CHD5: variants seen among roughly 807,000 people sequenced by gnomAD.
The protein encoded by CHD5 is chromodomain helicase DNA binding protein 5.
In CHD5, 69 loss-of-function variants were observed where a neutral mutation model predicts 230.3. The observed-to-expected ratio is 0.30, with a 90% CI of 0.25 to 0.37. The LOEUF is 0.37. Ranked by LOEUF, CHD5 falls within the 10% of genes least tolerant of loss-of-function variation. CHD5 has a pLI of 1.00. For missense variants in CHD5, 1,827 were observed against 2,622.8 expected (o/e 0.70, Z 6.63); for synonymous variants, 1,064 against 1,065.9 (o/e 1.00, Z 0.03).
rs1198902244 is a variant in CHD5 at position 6,106,669 on chromosome 1, G to A, written c.5689C>T (p.Arg1897Cys). 3.1e-6 allele frequency: 5 copies of A among 1,609,828 alleles called. No homozygotes were observed. Among genetic ancestry groups the A allele is most frequent in the Non-Finnish European group, 3.4e-6 (4 of 1,178,850 alleles). ...PVAARLQMSE[R>C]SILSRLTNRA... ...TTGGTCAGGCGGCTCAGGATGCTGC[G>A]CTCCGACATCTGCAGCCGGGCGGCC... Residue 1897 changes from arginine (R) to cysteine (C), a missense_variant, in exon 39 of 42, where the codon CGC becomes TGC. This residue lies in a region of CHD5 where 208 missense variants were observed against 302.0 expected (regional missense o/e 0.69). Transcript: ENST00000262450.
intron 1 of CHD5, among the ~76,000 whole-genome samples, chr1:6,176,994 C>T (rs1667437861): frequency 6.6e-6 from 1 of 152,198 alleles, no homozygotes; most frequent in African/African-American, 2.4e-5. Flanking sequence ...AATGCCAGAG[C>T]TGGCCAGGGC....
intron 1 of CHD5, among the ~76,000 whole-genome samples, chr1:6,172,380 AGT>A (rs1223594835): frequency 6.6e-6 from 1 of 152,058 alleles, no homozygotes; most frequent in Admixed American, 6.5e-5. Flanking sequence ...GCTGGAGTGC[AGT>A]GTTATGATCA....
At chr1:6,173,532 G>A (rs1571175818) in intron 1 of CHD5, among the ~76,000 whole-genome samples, 1 of 152,176 alleles carries the variant, frequency 6.6e-6, no homozygotes, top group Non-Finnish European at 1.5e-5. Context: ...TCCTGGAGGT[G>A]ATACCAGCAA....
chr1:6,163,325 G>A (rs1390460333), intron 2 of CHD5, among the ~76,000 whole-genome samples: 5 of 152,134 alleles, frequency 3.3e-5, no homozygotes, highest in South Asian at 2.1e-4. Context: ...AGGGTCTGAC[G>A]CCCAAGTCCC....
chr1:6,134,644 GACCTACCATGGCGGCCACAGGC>G lies in CHD5; in HGVS notation c.3012+52_3012+73del, dbSNP rs371217497. 16,435 of 1,466,810 alleles carry G rather than the reference GACCTACCATGGCGGCCACAGGC, an allele frequency of 0.011. 1,192 individuals are homozygous for G. The African/African-American group carries it at 0.18, about 16-fold the overall frequency. The allele number at this position is 1,466,810 out of a possible 1,614,324, so 90.9% of individuals were successfully genotyped here. ...GAGAACCTATCACAGCGGCCACAGG[GACCTACCATGGCGGCCACAGGC>G]ACCTACCATGGCGGTCATGGAGAAG... On this transcript the variant is annotated intron_variant, in intron 19 of 41. Transcript: ENST00000262450. The surrounding 1 kb of genome is among the most constrained non-coding windows in gnomAD (Gnocchi z 6.3).
chr1:6,127,498 AAAAG>A (rs1666578082), intron 25 of CHD5, among the ~76,000 whole-genome samples: 1 of 151,982 alleles, frequency 6.6e-6, no homozygotes, highest in Admixed American at 6.6e-5. Flanking sequence ...GAAAAAAAAA[AAAAG>A]AAAATTGTGG....
Position 6,109,823 on chromosome 1 carries a change from G to A in CHD5, c.5550C>T (p.Asn1850=). The change falls in exon 38 of 42, where the codon AAC becomes AAT. Residue 1850 remains asparagine (N), a synonymous_variant. Coordinates refer to ENST00000262450, the MANE Select transcript of CHD5 (RefSeq NM_015557.3). The part of the protein sequence containing the change: ...QHLSKESLAG[N]KPANAVLHKV... ...TGTGCAGGACGGCATTGGCAGGCTT[G>A]TTCCCAGCAAGGGACTCCTTGGACA... 6.2e-7 allele frequency: 1 copy of A among 1,612,770 alleles called. No individual in the cohort carries two copies. The highest frequency in any genetic ancestry group is 1.1e-5 in the South Asian group (1 of 91,074).
At position 6,163,408 on chromosome 1, in the gene CHD5, T is replaced by C. The variant is rs543162431; in HGVS notation, c.208-3893A>G. On this transcript the variant is annotated intron_variant, in intron 2 of 41. Transcript: ENST00000262450. ...AGCCCGCACAGCTGGGCCTCCCACC[T>C]GCACCAGATATCACCTGAACCCTCC... Among the ~76,000 whole-genome samples, 18 of 152,322 alleles carry C rather than the reference T, an allele frequency of 1.2e-4. No individual in the cohort carries two copies. The South Asian group carries it at 1.9e-3, about 16-fold the overall frequency.
chr1:6,159,165 G>C lies in CHD5; in HGVS notation c.387+171C>G, dbSNP rs974263906. Among the ~76,000 whole-genome samples the C allele has an allele frequency of 5.8e-4, 88 of 151,600 alleles. 3 individuals carry two copies. Among genetic ancestry groups the C allele is most frequent in the Admixed American group, 1.3e-4 (2 of 15,220 alleles). On this transcript the variant is annotated intron_variant, in intron 3 of 41. Coordinates refer to ENST00000262450, the MANE Select transcript of CHD5 (RefSeq NM_015557.3). The stretch of plus-strand genomic sequence containing the variant: ...CAGGAGAATTGCTTGAACCTGGGAG[G>C]CGGTTGCAGTGAGCCGAGGTCACGC...
Position 6,143,840 on chromosome 1 carries a change from C to A in CHD5, c.2026G>T (p.Asp676Tyr). 1 of 1,522,514 alleles carries A rather than the reference C, an allele frequency of 6.6e-7. No homozygotes were observed. The highest frequency in any genetic ancestry group is 8.9e-7 in the Non-Finnish European group (1 of 1,125,264). The allele number at this position is 1,522,514 out of a possible 1,614,324, so 94.3% of individuals were successfully genotyped here. Residue 676 changes from aspartate (D) to tyrosine (Y), a missense_variant, in exon 13 of 42, where the codon GAC (aspartate) becomes TAC (tyrosine). This residue lies in a region of CHD5 where 657 missense variants were observed against 816.4 expected (regional missense o/e 0.80). Transcript: ENST00000262450. ...LRDDKQEKPP[D>Y]TPIVDPTVKF... ...CCACTCACGTCCACAATGGGCGTGTCCGGCGGCTTCTCCTGCTTGTCGTCC... is the reference window on the plus strand; with the variant it reads ...CCACTCACGTCCACAATGGGCGTGTACGGCGGCTTCTCCTGCTTGTCGTCC...
At chr1:6,171,031 A>AG (rs1163579274) in intron 1 of CHD5, among the ~76,000 whole-genome samples, 4 of 152,204 alleles carry the variant, frequency 2.6e-5, no homozygotes, top group Non-Finnish European at 5.9e-5. Context: ...TGCAATCTCG[A>AG]GGGGGGGCCT....
Position 6,128,023 on chromosome 1 carries a change from G to A in CHD5, c.3903+23C>T. On this transcript the variant is annotated intron_variant, in intron 25 of 41. Coordinates refer to ENST00000262450, the MANE Select transcript of CHD5 (RefSeq NM_015557.3). The surrounding 1 kb of genome is among the most constrained non-coding windows in gnomAD (Gnocchi z 7.8). ...GCGGATGGAGGGCGGGGCTGCGGAT[G>A]GAGGGCGGGCCGGGGACCTTACCAC... The A allele has an allele frequency of 6.4e-7, 1 of 1,569,718 alleles. No homozygotes were observed. Among genetic ancestry groups the A allele is most frequent in the Non-Finnish European group, 8.6e-7 (1 of 1,157,208 alleles).
chr1:6,150,649 T>C (rs1258905397), intron 7 of CHD5, among the ~76,000 whole-genome samples: 1 of 149,156 alleles, frequency 6.7e-6, no homozygotes, highest in Non-Finnish European at 1.5e-5. Flanking sequence ...GAAGGAGGGA[T>C]GGGAAGGAAG....
intron 3 of CHD5, among the ~76,000 whole-genome samples, chr1:6,157,791 A>G (rs1290714266): frequency 6.6e-6 from 1 of 152,154 alleles, no homozygotes; most frequent in Non-Finnish European, 1.5e-5. Flanking sequence ...AGGGGATGAT[A>G]CTGTTACAGG....
chr1:6,119,147 A>G (rs1666424027), intron 33 of CHD5, among the ~76,000 whole-genome samples: 1 of 151,002 alleles, frequency 6.6e-6, no homozygotes, highest in Non-Finnish European at 1.5e-5. Context: ...GCAAAAATAA[A>G]CTTTTTTTTT....
rs1237171345 is a variant in CHD5, at chr1:6,129,417, G to T, written c.3388-348C>A. Among the ~76,000 whole-genome samples the T allele has an allele frequency of 6.6e-6, 1 of 152,162 alleles. No homozygotes were observed. On this transcript the variant is annotated intron_variant, in intron 22 of 41. Coordinates refer to ENST00000262450, the MANE Select transcript of CHD5 (RefSeq NM_015557.3). This position sits in a 1 kb window ranked among gnomAD's most constrained non-coding sequence, Gnocchi z 6.8. Reference sequence around the variant, plus strand: ...CGTGGGGGCCACGGGGAGGTAGGAGGCTGCATTTCCCTGTGAGCGAACCAC... The same window carrying T: ...CGTGGGGGCCACGGGGAGGTAGGAGTCTGCATTTCCCTGTGAGCGAACCAC...
intron 38 of CHD5, among the ~76,000 whole-genome samples, chr1:6,108,320 G>A (rs536230192): frequency 3.4e-5 from 5 of 148,206 alleles, no homozygotes; most frequent in South Asian, 2.2e-4. Context: ...GAGAGACGGA[G>A]GGATGAAGGG....
At chr1:6,172,934 T>A (rs959243613) in intron 1 of CHD5, among the ~76,000 whole-genome samples, 3 of 151,898 alleles carry the variant, frequency 2.0e-5, no homozygotes, top group Non-Finnish European at 2.9e-5. Flanking sequence ...CGCGTGACTG[T>A]GGAGCGAAAG....
chr1:6,143,735 T>A, intron 13 of CHD5, 88 bp downstream of exon 13: 1 of 1,201,606 alleles, frequency 8.3e-7, no homozygotes, highest in Non-Finnish European at 1.2e-6. Context: ...AAACATCCTT[T>A]TGAGAACACA....
Sources: gnomAD v4.1 joint callset for allele counts (sites outside exome capture counted in the v4.1 genomes callset) on GRCh38, gnomAD v4.1.1 for gene constraint, gnomAD v4.1.1 regional missense constraint, Gnocchi (gnomAD v3.1) non-coding constraint, MANE v1.5 for transcripts, NCBI Gene and HGNC (gene_info 2026-07-23, HGNC 2026-07-21) for gene names.